Variants in NFIX observed in about 807,000 individuals in gnomAD.
NFIX encodes nuclear factor 1 X-type.
A neutral mutation model predicts 53.3 loss-of-function variants in NFIX; 2 were observed. The ratio of observed to expected loss-of-function variants is 0.04; its 90% CI spans 0.02 to 0.12. The LOEUF is 0.12. NFIX is among the 10% of genes least tolerant of loss of function. The pLI, the probability that NFIX is intolerant of heterozygous loss-of-function variation, is 1.00. For missense variants in NFIX, 310 were observed against 674.5 expected (o/e 0.46, Z 5.99); for synonymous variants, 244 against 289.0 (o/e 0.84, Z 1.58).
chr19:13,011,120 G>A lies in NFIX; in HGVS notation c.28-13901G>A, dbSNP rs1170105533. ...CCATTTCGCCAGGCAGGGATGTAGG[G>A]GGAGGCGGGAGCAGCCCTCCCCCTC... On this transcript the variant is annotated intron_variant, in intron 1 of 10. Coordinates refer to ENST00000592199, the MANE Select transcript of NFIX (RefSeq NM_001365902.3). The surrounding 1 kb of genome is among the most constrained non-coding windows in gnomAD (Gnocchi z 6.5). 6.6e-6 allele frequency among the ~76,000 whole-genome samples: 1 copy of A among 152,142 alleles called. No individual in the cohort carries two copies. Among genetic ancestry groups the A allele is most frequent in the Non-Finnish European group, 1.5e-5 (1 of 68,028 alleles).
intron 10 of NFIX, among the ~76,000 whole-genome samples, chr19:13,091,556 C>T (rs1051018716): frequency 6.6e-6 from 1 of 152,120 alleles, no homozygotes; most frequent in Admixed American, 6.5e-5. Context: ...TTTCCAGGAG[C>T]AACCAGACAT....
chr19:13,024,706 C>T lies in NFIX; in HGVS notation c.28-315C>T, dbSNP rs2013177332. 2.6e-6 allele frequency: 4 copies of T among 1,536,152 alleles called. No homozygotes were observed. In the South Asian group the frequency reaches 3.6e-5, roughly 14 times the overall value. Reference sequence around the variant, plus strand: ...GTGTGTGTGTGGACGGCAACGTTGTCTGTGCGCGTGTGTGTGAGTGAGTGA... The same window carrying T: ...GTGTGTGTGTGGACGGCAACGTTGTTTGTGCGCGTGTGTGTGAGTGAGTGA... On this transcript the variant is annotated intron_variant, in intron 1 of 10. Coordinates refer to ENST00000592199, the MANE Select transcript of NFIX (RefSeq NM_001365902.3).
At position 13,043,111 on chromosome 19, in the gene NFIX, C is replaced by T. The variant is rs551065275; in HGVS notation, c.559+17559C>T. Among the ~76,000 whole-genome samples the T allele has an allele frequency of 1.6e-4, 25 of 152,280 alleles. 1 individual carries two copies. The Middle Eastern group carries it at 0.027, about 166-fold the overall frequency. ...CCATCCCTGTCATAGGTGTATGTCC[C>T]GTTCCTGTATTTATTCTCTGCATCA... is the stretch of plus-strand genomic sequence containing the variant. On this transcript the variant is annotated intron_variant, in intron 2 of 10. Coordinates refer to ENST00000592199, the MANE Select transcript of NFIX (RefSeq NM_001365902.3). This position sits in a 1 kb window ranked among gnomAD's most constrained non-coding sequence, Gnocchi z 4.0.
rs1447792201 is a variant in NFIX, at chr19:13,074,018, T to C, written c.810T>C (p.Pro270=). ...TLGRRSITSP[P]STSTTKRPKS... is the part of the protein sequence containing the mutation. ...GGCGGCGGTCCATCACCTCCCCTCCTTCCACCAGGTAAGCCCAGTGGCCCT... is the reference window on the plus strand; with the variant it reads ...GGCGGCGGTCCATCACCTCCCCTCCCTCCACCAGGTAAGCCCAGTGGCCCT... The change falls in exon 5 of 11, where the codon CCT becomes CCC. Residue 270 remains proline, a synonymous_variant. Coordinates refer to ENST00000592199, the MANE Select transcript of NFIX (RefSeq NM_001365902.3). 6.2e-7 allele frequency: 1 copy of C among 1,613,980 alleles called. No homozygotes were observed. The highest frequency in any genetic ancestry group is 8.5e-7 in the Non-Finnish European group (1 of 1,179,882).
intron 1 of NFIX, among the ~76,000 whole-genome samples, chr19:13,018,901 C>T (rs1220805196): frequency 6.6e-6 from 1 of 152,220 alleles, no homozygotes; most frequent in African/African-American, 2.4e-5. Flanking sequence ...TAATTGGGGC[C>T]CTGTTTATGG....
Position 13,081,483 on chromosome 19 carries a change from T to TTA in NFIX, c.1079-196_1079-195insAT, listed in dbSNP as rs2017460840. Reference sequence around the variant, plus strand: ...TTTGATTATTATTATTATTATTATTTTTGTATTGCATTAAAACATCATGGA... The same window carrying TTA: ...TTTGATTATTATTATTATTATTATTTTATTGTATTGCATTAAAACATCATGGA... On this transcript the variant is annotated intron_variant, in intron 7 of 10. Transcript: ENST00000592199. The surrounding 1 kb of genome is among the most constrained non-coding windows in gnomAD (Gnocchi z 4.7). Among the ~76,000 whole-genome samples, 3 of 151,008 alleles carry TTA rather than the reference T, an allele frequency of 2.0e-5. No homozygotes were observed. The highest frequency in any genetic ancestry group is 7.3e-5 in the African/African-American group (3 of 41,316).
chr19:13,066,053 G>A lies in NFIX; in HGVS notation c.560-6994G>A, dbSNP rs2016381734. Among the ~76,000 whole-genome samples the A allele has an allele frequency of 6.6e-6, 1 of 152,152 alleles. No homozygotes were observed. The highest frequency in any genetic ancestry group is 2.1e-4 in the South Asian group (1 of 4,830). On this transcript the variant is annotated intron_variant, in intron 2 of 10. Transcript: ENST00000592199. This position sits in a 1 kb window ranked among gnomAD's most constrained non-coding sequence, Gnocchi z 4.2. ...GGCAACCAAGGACTGTAGGAGACAGGCCTTCTTCACCTCGACACCGTGTGG... is the reference window on the plus strand; with the variant it reads ...GGCAACCAAGGACTGTAGGAGACAGACCTTCTTCACCTCGACACCGTGTGG...
intron 1 of NFIX, among the ~76,000 whole-genome samples, chr19:13,018,932 C>CT (rs1194222696): frequency 6.6e-6 from 1 of 152,194 alleles, no homozygotes; most frequent in Non-Finnish European, 1.5e-5. Context: ...TTCCCATGTC[C>CT]TTTCATACCC....
chr19:13,004,624 T>C (rs193205093), intron 1 of NFIX, among the ~76,000 whole-genome samples: 246 of 152,094 alleles, frequency 1.6e-3, no homozygotes, highest in African/African-American at 5.7e-3. Context: ...CACCCCAGCT[T>C]CTCAGGATAG....
chr19:13,081,362 C>T lies in NFIX; in HGVS notation c.1079-318C>T, dbSNP rs2145473567. Among the ~76,000 whole-genome samples the T allele has an allele frequency of 6.6e-6, 1 of 152,252 alleles. No individual in the cohort carries two copies. The highest frequency in any genetic ancestry group is 2.1e-4 in the South Asian group (1 of 4,816). ...AATAAAATAAAGACAAGATCCTACC[C>T]TGCCTCATCTGCCTCATCCTAATCT... On this transcript the variant is annotated intron_variant, in intron 7 of 10. Coordinates refer to ENST00000592199, the MANE Select transcript of NFIX (RefSeq NM_001365902.3). The surrounding 1 kb of genome is among the most constrained non-coding windows in gnomAD (Gnocchi z 4.7).
At chr19:13,087,064 G>C (rs1383748319) in intron 8 of NFIX, among the ~76,000 whole-genome samples, 1 of 152,190 alleles carries the variant, frequency 6.6e-6, no homozygotes, top group Non-Finnish European at 1.5e-5. Context: ...GGTCATCAGG[G>C]TCCTGTTCAG....
chr19:12,999,487 AACACACACAC>A (rs111890375), intron 1 of NFIX, among the ~76,000 whole-genome samples: 6 of 149,380 alleles, frequency 4.0e-5, no homozygotes, highest in Admixed American at 1.3e-4. Context: ...TACCTTTTCA[AACACACACAC>A]ACACACACAC....
Position 13,059,777 on chromosome 19 carries a change from C to CTTT in NFIX, c.560-13248_560-13246dup, listed in dbSNP as rs35128120. ...TTTCTAATTTGATTTAATTAGAATT[C>CTTT]TTTTTTTTTTTTTTTTTTTTTTTTG... On this transcript the variant is annotated intron_variant, in intron 2 of 10. Transcript: ENST00000592199. 1.0e-2 allele frequency among the ~76,000 whole-genome samples: 601 copies of CTTT among 60,384 alleles called. 3 individuals are homozygous for CTTT. Among genetic ancestry groups the CTTT allele is most frequent in the East Asian group, 0.018 (27 of 1,510 alleles). The allele number at this position is 60,384 out of a possible 152,430, so 39.6% of individuals were successfully genotyped here.
At chr19:13,010,217 C>G (rs1475396096) in intron 1 of NFIX, among the ~76,000 whole-genome samples, 1 of 152,208 alleles carries the variant, frequency 6.6e-6, no homozygotes, top group Non-Finnish European at 1.5e-5. Context: ...GGCCCTGCCC[C>G]ATGGCCCGCT....
intron 2 of NFIX, chr19:13,069,735 T>G (rs1351121857): frequency 6.6e-6 from 1 of 152,306 alleles, no homozygotes; most frequent in African/African-American, 2.4e-5. Context: ...CCTGTGGTGT[T>G]GGCAGTGGGC....
At position 13,081,534 on chromosome 19, in the gene NFIX, G is replaced by T. The variant is rs908984942; in HGVS notation, c.1079-146G>T. 3 of 633,714 alleles carry T rather than the reference G, an allele frequency of 4.7e-6. No individual in the cohort carries two copies. Among genetic ancestry groups the T allele is most frequent in the South Asian group, 2.5e-5 (1 of 39,636 alleles). The allele number at this position is 633,714 out of a possible 1,614,324, so 39.3% of individuals were successfully genotyped here. A position where few individuals can be genotyped will look rare whatever the true frequency, so the allele number is the denominator to read the frequency against. On this transcript the variant is annotated intron_variant, in intron 7 of 10. Transcript: ENST00000592199. This position sits in a 1 kb window ranked among gnomAD's most constrained non-coding sequence, Gnocchi z 4.7. ...TCCTGATGACTGACTTTTTTGTGCC[G>T]CCTTAACTTTTGTGCCTGTGGCGGC...
rs1345409645 is a variant in NFIX at position 13,097,552 on chromosome 19, C to G, written c.*2903C>G. ...TAACGGAACGGGACAGCGGCGTGCC[C>G]CCGGCGGCTGGACTGCTCCGGCCGC... On this transcript the variant is annotated 3_prime_UTR_variant, in exon 11 of 11. Coordinates refer to ENST00000592199, the MANE Select transcript of NFIX (RefSeq NM_001365902.3). 6.6e-6 allele frequency: 1 copy of G among 152,526 alleles called. No individual in the cohort carries two copies. The highest frequency in any genetic ancestry group is 1.5e-5 in the Non-Finnish European group (1 of 68,004). The allele number at this position is 152,526 out of a possible 1,614,324, so 9.4% of individuals were successfully genotyped here.
chr19:13,061,467 C>G (rs2016083228), intron 2 of NFIX, among the ~76,000 whole-genome samples: 1 of 152,238 alleles, frequency 6.6e-6, no homozygotes, highest in African/African-American at 2.4e-5. Flanking sequence ...GGAACCACAT[C>G]CCCTGGAGCT....
In NFIX at chr19:13,048,483, A is replaced by AT. The variant is rs58117566; in HGVS notation, c.559+22943dup. On this transcript the variant is annotated intron_variant, in intron 2 of 10. Transcript: ENST00000592199. ...CTCAGTGTCTTCTCCTCTCTGTTGTATTTTTTTTTTTTAATTCCCCATCTC... is the reference window on the plus strand; with the variant it reads ...CTCAGTGTCTTCTCCTCTCTGTTGTATTTTTTTTTTTTTAATTCCCCATCTC... 1.5e-3 allele frequency among the ~76,000 whole-genome samples: 218 copies of AT among 146,316 alleles called. 1 individual carries two copies. The highest frequency in any genetic ancestry group is 4.0e-3 in the East Asian group (20 of 5,058).
Sources: gnomAD v4.1 joint callset for allele counts (sites outside exome capture counted in the v4.1 genomes callset) on GRCh38, gnomAD v4.1.1 for gene constraint, Gnocchi (gnomAD v3.1) non-coding constraint, MANE v1.5 for transcripts, NCBI Gene and HGNC (gene_info 2026-07-23, HGNC 2026-07-21) for gene names.